The following DEPDC1B variants were observed in gnomAD, a reference collection of about 807,000 sequenced individuals.
DEPDC1B encodes the protein DEP domain-containing protein 1B.
In DEPDC1B, 51 loss-of-function variants were observed where a neutral mutation model predicts 66.5. That is an observed-to-expected ratio of 0.77 (90% CI 0.61 to 0.97). DEPDC1B has a LOEUF of 0.97. Ranked by LOEUF, DEPDC1B falls within the 50% of genes least tolerant of loss-of-function variation. The pLI is 0.00. For synonymous variants in DEPDC1B, 226 were observed against 223.6 expected, an observed-to-expected ratio of 1.01 and a Z score of -0.10; for missense variants, 552 against 637.1, an observed-to-expected ratio of 0.87 and a Z score of 1.44.
chr5:60,604,215 A>ATTATTTTTTTTTTTTTTTTTTT (rs1323826916), intron 8 of DEPDC1B, among the ~76,000 whole-genome samples: 1 of 60,088 alleles, frequency 1.7e-5, no homozygotes, highest in Non-Finnish European at 4.1e-5. Context: ...GAAATTAACT[A>ATTATTTTTTTTTTTTTTTTTTT]TTCTTTTTTT....
intron 2 of DEPDC1B, among the ~76,000 whole-genome samples, chr5:60,666,238 G>A (rs960218806): frequency 3.9e-5 from 6 of 152,136 alleles, no homozygotes; most frequent in African/African-American, 1.2e-4. Flanking sequence ...AAGGGCCCAG[G>A]GTTCGTCTAA....
chr5:60,669,653 T>C (rs1753984350), intron 2 of DEPDC1B, among the ~76,000 whole-genome samples: 1 of 152,158 alleles, frequency 6.6e-6, no homozygotes, highest in Non-Finnish European at 1.5e-5. Flanking sequence ...GTCAGGAACA[T>C]AAAGTGTTTG....
At chr5:60,641,838 C>T (rs1398422016) in intron 6 of DEPDC1B, among the ~76,000 whole-genome samples, 3 of 152,084 alleles carry the variant, frequency 2.0e-5, no homozygotes, top group Admixed American at 6.5e-5. Context: ...AACCAAAAAC[C>T]AATGAAAATG....
intron 6 of DEPDC1B, among the ~76,000 whole-genome samples, chr5:60,640,658 T>A (rs931358192): frequency 3.9e-5 from 6 of 152,210 alleles, no homozygotes; most frequent in African/African-American, 1.4e-4. Context: ...CAACAATGAA[T>A]GTATACAGGC....
chr5:60,700,081 T>G lies in DEPDC1B; in HGVS notation c.13A>C (p.Ile5Leu). The G allele has an allele frequency of 6.4e-7, 1 of 1,557,416 alleles. No individual in the cohort carries two copies. Among genetic ancestry groups the G allele is most frequent in the Non-Finnish European group, 8.7e-7 (1 of 1,152,980 alleles). The change falls in exon 1 of 11, where the codon ATC becomes CTC. Residue 5 changes from isoleucine (I) to leucine (L), a missense_variant. By Grantham distance (5) the Ile-to-Leu change is conservative. Coordinates refer to ENST00000265036, the MANE Select transcript of DEPDC1B (RefSeq NM_018369.3). ...GCTCGGTACGGCCCGGGCCCCACGA[T>G]GCGATGCTCCATGGCGCGTAGGCAG... MEHR[I>L]VGPGPYRATR... is the part of the protein sequence containing the mutation.
Position 60,646,586 on chromosome 5 carries a change from T to C in DEPDC1B, c.450+812A>G, listed in dbSNP as rs114942010. On this transcript the variant is annotated intron_variant, in intron 3 of 10. Transcript: ENST00000265036. ...AAAATATTCAGAGGAAAAAAATGGA[T>C]GGTTGCATCTGTACTGAACATGTAG... is the stretch of plus-strand genomic sequence containing the variant. Among the ~76,000 whole-genome samples the C allele has an allele frequency of 6.9e-3, 1,055 of 152,322 alleles. 9 individuals carry two copies. The highest frequency in any genetic ancestry group is 0.024 in the African/African-American group (994 of 41,550).
At chr5:60,600,806 G>A (rs1752186136) in intron 9 of DEPDC1B, among the ~76,000 whole-genome samples, 1 of 152,238 alleles carries the variant, frequency 6.6e-6, no homozygotes, top group African/African-American at 2.4e-5. Context: ...TGCTATGCAT[G>A]TGAATACACA....
intron 7 of DEPDC1B, among the ~76,000 whole-genome samples, chr5:60,623,117 C>A (rs1752742801): frequency 1.3e-5 from 2 of 152,046 alleles, no homozygotes; most frequent in South Asian, 2.1e-4. Flanking sequence ...TTTTAGATAT[C>A]TCTATTATAT....
intron 2 of DEPDC1B, among the ~76,000 whole-genome samples, chr5:60,679,862 G>T (rs1016328660): frequency 6.6e-6 from 1 of 152,158 alleles, no homozygotes; most frequent in South Asian, 2.1e-4. Context: ...ACTAAGTTAG[G>T]TTTAAATAAT....
At position 60,668,686 on chromosome 5, in the gene DEPDC1B, A is replaced by C. The variant is rs1188526538; in HGVS notation, c.314+18276T>G. 2.0e-5 allele frequency among the ~76,000 whole-genome samples: 3 copies of C among 152,230 alleles called. No homozygotes were observed. In the East Asian group the frequency reaches 5.8e-4, roughly 29 times the overall value. ...GATGTGGAATTAGGAACGGTGAATA[A>C]GCATAAAAATATACTCAACCTCATC... On this transcript the variant is annotated intron_variant, in intron 2 of 10. Transcript: ENST00000265036.
intron 7 of DEPDC1B, among the ~76,000 whole-genome samples, chr5:60,622,574 TA>T (rs2111790942): frequency 6.6e-6 from 1 of 152,314 alleles, no homozygotes; most frequent in African/African-American, 2.4e-5. Flanking sequence ...GGAATGAAAT[TA>T]AGGTATGTGT....
At chr5:60,685,396 G>GA (rs537742713) in intron 2 of DEPDC1B, among the ~76,000 whole-genome samples, 90 of 136,152 alleles carry the variant, frequency 6.6e-4, no homozygotes, top group Middle Eastern at 3.9e-3. Context: ...AGTAAATGGT[G>GA]AAAAAAAAAA....
intron 1 of DEPDC1B, among the ~76,000 whole-genome samples, chr5:60,693,870 G>A (rs1439719960): frequency 4.0e-5 from 6 of 151,670 alleles, no homozygotes; most frequent in Non-Finnish European, 8.8e-5. Context: ...CCGGGGGAAG[G>A]GGTAATAAAA....
intron 9 of DEPDC1B, among the ~76,000 whole-genome samples, chr5:60,601,458 A>G (rs769582026): frequency 4.0e-4 from 61 of 152,240 alleles, no homozygotes; most frequent in Non-Finnish European, 1.9e-4. Flanking sequence ...AATTGAAATG[A>G]TCATTCTAAA....
intron 5 of DEPDC1B, among the ~76,000 whole-genome samples, chr5:60,643,138 C>CCAAA (rs373370995): frequency 2.0e-5 from 3 of 152,018 alleles, no homozygotes; most frequent in East Asian, 1.9e-4. Context: ...ATAGTTTGCT[C>CCAAA]CAAACAAACA....
chr5:60,649,046 G>A lies in DEPDC1B; in HGVS notation c.315-1513C>T, dbSNP rs145895336. Among the ~76,000 whole-genome samples, 10 of 152,146 alleles carry A rather than the reference G, an allele frequency of 6.6e-5. No individual in the cohort carries two copies. The East Asian group carries it at 1.2e-3, about 18-fold the overall frequency. On this transcript the variant is annotated intron_variant, in intron 2 of 10. Coordinates refer to ENST00000265036, the MANE Select transcript of DEPDC1B (RefSeq NM_018369.3). Reference sequence around the variant, plus strand: ...CTTCTCAGTTCATTCAAAACTAAACGCAATCCCTACTCCCATCCCACCACT... The same window carrying A: ...CTTCTCAGTTCATTCAAAACTAAACACAATCCCTACTCCCATCCCACCACT...
chr5:60,597,885 T>C lies in DEPDC1B; in HGVS notation c.1458A>G (p.Gln486=). The change falls in exon 11 of 11, where the codon CAA becomes CAG. Residue 486 remains glutamine, a synonymous_variant. Transcript: ENST00000265036. The part of the protein sequence containing the change: ...QFQKSYPEVY[Q]ERFPTPESAA... Reference sequence around the variant, plus strand: ...CACTTTCTGGTGTAGGAAATCGTTCTTGATAGACTTCAGGATAGGATTTCT... The same window carrying C: ...CACTTTCTGGTGTAGGAAATCGTTCCTGATAGACTTCAGGATAGGATTTCT... The C allele has an allele frequency of 6.2e-7, 1 of 1,611,458 alleles. No homozygotes were observed.
intron 7 of DEPDC1B, among the ~76,000 whole-genome samples, chr5:60,627,064 CT>C (rs1438862343): frequency 6.6e-6 from 1 of 152,116 alleles, no homozygotes; most frequent in Non-Finnish European, 1.5e-5. Flanking sequence ...CAGTATTCCA[CT>C]TTTAGTTTTG....
At chr5:60,641,322 C>T (rs1163642349) in intron 6 of DEPDC1B, among the ~76,000 whole-genome samples, 1 of 151,648 alleles carries the variant, frequency 6.6e-6, no homozygotes, top group East Asian at 1.9e-4. Flanking sequence ...TACTAGCTTC[C>T]TATGTTCATT....
Sources: allele counts gnomAD v4.1 joint callset (sites outside exome capture counted in the v4.1 genomes callset), GRCh38; gene constraint gnomAD v4.1.1; transcripts MANE v1.5; gene names NCBI Gene and HGNC (gene_info 2026-07-23, HGNC 2026-07-21).